EFHC1: variants seen among roughly 807,000 people sequenced by gnomAD.
EFHC1 encodes EF-hand domain containing 1, also known as EF-hand domain-containing protein 1.
EFHC1 carries 53 observed loss-of-function variants against 69.9 expected under a neutral mutation model. The ratio of observed to expected loss-of-function variants is 0.76; its 90% CI spans 0.61 to 0.95. The LOEUF (loss-of-function observed/expected upper bound fraction) is 0.95, where lower values mean the gene tolerates loss of function less well. Among genes scored for constraint, EFHC1 ranks in the 40% least tolerant of loss-of-function variants. EFHC1 has a pLI of 0.00. For synonymous variants in EFHC1, 256 were observed against 278.4 expected (o/e 0.92, Z 0.80); for missense variants, 739 against 798.7 (o/e 0.93, Z 0.90).
At chr6:52,480,210 TAAG>T (rs1053657245) in intron 9 of EFHC1, 3 of 282,276 alleles carry the variant, frequency 1.1e-5, no homozygotes, top group Admixed American at 4.9e-5. Flanking sequence ...AAGAAAATAA[TAAG>T]AAAGAGAAAA....
intron 3 of EFHC1, among the ~76,000 whole-genome samples, chr6:52,448,479 C>A (rs1213374579): frequency 6.6e-6 from 1 of 152,168 alleles, no homozygotes. Context: ...TCACAGCTTC[C>A]CTTTGCTAGG....
chr6:52,475,799 C>T (rs1257269665), intron 7 of EFHC1, among the ~76,000 whole-genome samples: 1 of 152,128 alleles, frequency 6.6e-6, no homozygotes, highest in African/African-American at 2.4e-5. Context: ...CAGTGGAGAA[C>T]AAGATAGACA....
intron 7 of EFHC1, among the ~76,000 whole-genome samples, chr6:52,470,652 C>A (rs1436592376): frequency 3.9e-5 from 6 of 152,194 alleles, no homozygotes. Flanking sequence ...AGCCTTCTGG[C>A]TTTCAACCCA....
rs1403658761 is a variant in EFHC1 at position 52,483,054 on chromosome 6, A to G, written c.1640+3267A>G. On this transcript the variant is annotated intron_variant, in intron 9 of 10. Transcript: ENST00000371068. The stretch of plus-strand genomic sequence containing the variant: ...TCTGCGTGAACTATAAAACAAATAT[A>G]CAGTGACTAGTCACCAACAGACTTT... 3 of 391,202 alleles carry G rather than the reference A, an allele frequency of 7.7e-6. No homozygotes were observed. In the East Asian group the frequency reaches 1.1e-4, roughly 14 times the overall value. The allele number at this position is 391,202 out of a possible 1,614,324, so 24.2% of individuals were successfully genotyped here.
intron 5 of EFHC1, among the ~76,000 whole-genome samples, chr6:52,455,338 T>C (rs1469938839): frequency 1.3e-5 from 2 of 151,918 alleles, no homozygotes; most frequent in Non-Finnish European, 2.9e-5. Context: ...ACTATATTTT[T>C]TGGGAATTAG....
At chr6:52,431,803 TC>T (rs1013767404) in intron 2 of EFHC1, among the ~76,000 whole-genome samples, 1 of 151,994 alleles carries the variant, frequency 6.6e-6, no homozygotes, top group Non-Finnish European at 1.5e-5. Flanking sequence ...AGTATTGAAG[TC>T]CCCCCCTATT....
rs554913675 is a variant in EFHC1, at chr6:52,436,666, G to A, written c.286-1638G>A. Among the ~76,000 whole-genome samples the A allele has an allele frequency of 5.1e-4, 78 of 151,892 alleles. 1 individual carries two copies. The South Asian group carries it at 6.7e-3, about 13-fold the overall frequency. ...TTTTATTTTTTATTTTTTTGAGATG[G>A]AGTTTCACTCTGTCACCCACGCTGG... On this transcript the variant is annotated intron_variant, in intron 2 of 10. Transcript: ENST00000371068.
Position 52,492,783 on chromosome 6 carries a change from T to G in EFHC1, c.*442T>G, listed in dbSNP as rs1419811346. On this transcript the variant is annotated 3_prime_UTR_variant, in exon 11 of 11. Coordinates refer to ENST00000371068, the MANE Select transcript of EFHC1 (RefSeq NM_018100.4). The stretch of plus-strand genomic sequence containing the variant: ...GCTCAAGCCACCATGCCCAGCTAAT[T>G]TTTAAAATTATTTTGTAGAGACAAG... 9.1e-6 allele frequency: 4 copies of G among 439,098 alleles called. No homozygotes were observed. The highest frequency in any genetic ancestry group is 1.8e-5 in the Non-Finnish European group (4 of 219,560). 27.2% of individuals were successfully genotyped at this position (439,098 alleles called of 1,614,324 possible).
chr6:52,430,678 T>A (rs985379533), intron 2 of EFHC1, among the ~76,000 whole-genome samples: 1 of 152,164 alleles, frequency 6.6e-6, no homozygotes, highest in South Asian at 2.1e-4. Context: ...TATTTTTTGG[T>A]TATGTCCTTT....
Position 52,425,457 on chromosome 6 carries a change from T to C in EFHC1, c.285+1290T>C, listed in dbSNP as rs192126143. On this transcript the variant is annotated intron_variant, in intron 2 of 10. Coordinates refer to ENST00000371068, the MANE Select transcript of EFHC1 (RefSeq NM_018100.4). ...GAAGGTGATAAAGTGATATATGTCG[T>C]AAGAAAGTATTAGTAAAATTCAGAG... Among the ~76,000 whole-genome samples, 22 of 152,324 alleles carry C rather than the reference T, an allele frequency of 1.4e-4. No homozygotes were observed. The East Asian group carries it at 4.2e-3, about 29-fold the overall frequency.
intron 3 of EFHC1, among the ~76,000 whole-genome samples, chr6:52,451,947 C>T (rs963162549): frequency 8.5e-5 from 13 of 152,142 alleles, no homozygotes; most frequent in Non-Finnish European, 1.3e-4. Context: ...TTCAGCCTAA[C>T]TTGGCCATTG....
chr6:52,474,347 G>A (rs944238812), intron 7 of EFHC1, among the ~76,000 whole-genome samples: 7 of 152,084 alleles, frequency 4.6e-5, no homozygotes, highest in Admixed American at 2.6e-4. Context: ...GCTTAGCTTC[G>A]TTAGTAACTA....
Position 52,494,212 on chromosome 6 carries a change from A to G in EFHC1, c.*1871A>G, listed in dbSNP as rs932740710. 6 of 454,060 alleles carry G rather than the reference A, an allele frequency of 1.3e-5. No individual in the cohort carries two copies. The highest frequency in any genetic ancestry group is 6.0e-5 in the African/African-American group (3 of 50,022). The allele number at this position is 454,060 out of a possible 1,614,324, so 28.1% of individuals were successfully genotyped here. On this transcript the variant is annotated 3_prime_UTR_variant, in exon 11 of 11. Coordinates refer to ENST00000371068, the MANE Select transcript of EFHC1 (RefSeq NM_018100.4). ...GATAAGCCCATTGTAAAGTAGGCAAATAAGTTGGACCATTGAAAGTTGGGG... is the reference window on the plus strand; with the variant it reads ...GATAAGCCCATTGTAAAGTAGGCAAGTAAGTTGGACCATTGAAAGTTGGGG...
At position 52,446,929 on chromosome 6, in the gene EFHC1, C is replaced by T. The variant is rs538648248; in HGVS notation, c.574-5759C>T. On this transcript the variant is annotated intron_variant, in intron 3 of 10. Coordinates refer to ENST00000371068, the MANE Select transcript of EFHC1 (RefSeq NM_018100.4). ...CTTGTAGAGTTTCTGCCGAGAGATCCGCTGTTGGTCTGAATGGCTTCACTT... is the reference window on the plus strand; with the variant it reads ...CTTGTAGAGTTTCTGCCGAGAGATCTGCTGTTGGTCTGAATGGCTTCACTT... Among the ~76,000 whole-genome samples the T allele has an allele frequency of 1.3e-4, 20 of 152,332 alleles. No individual in the cohort carries two copies. In the South Asian group the frequency reaches 2.1e-3, roughly 16 times the overall value.
intron 7 of EFHC1, among the ~76,000 whole-genome samples, chr6:52,477,326 A>G (rs1029536678): frequency 5.3e-5 from 8 of 152,214 alleles, no homozygotes; most frequent in Admixed American, 2.0e-4. Flanking sequence ...TTACTAAGAG[A>G]AAAATCTAAT....
intron 3 of EFHC1, among the ~76,000 whole-genome samples, chr6:52,446,364 C>T (rs1188984688): frequency 1.3e-5 from 2 of 152,168 alleles, no homozygotes; most frequent in South Asian, 2.1e-4. Flanking sequence ...TCTGTTTTAT[C>T]AGAGACTAGG....
At chr6:52,421,005 C>G in intron 1 of EFHC1, 1 of 1,019,642 alleles carries the variant, frequency 9.8e-7, no homozygotes. Context: ...GGTAGTATCT[C>G]CCACTCCCAG....
chr6:52,461,884 A>G (rs1359094827), intron 5 of EFHC1, among the ~76,000 whole-genome samples: 1 of 152,204 alleles, frequency 6.6e-6, no homozygotes, highest in Admixed American at 6.5e-5. Context: ...TATTTTATTT[A>G]CTAGGAAAAT....
At chr6:52,453,212 A>C (rs939045366) in intron 4 of EFHC1, 3 of 1,297,654 alleles carry the variant, frequency 2.3e-6, no homozygotes, top group African/African-American at 3.0e-5. Context: ...ATTATTAGGA[A>C]ATTTCACAAA....
Sources: gnomAD v4.1 joint callset for allele counts (sites outside exome capture counted in the v4.1 genomes callset) on GRCh38, gnomAD v4.1.1 for gene constraint, MANE v1.5 for transcripts, NCBI Gene and HGNC (gene_info 2026-07-23, HGNC 2026-07-21) for gene names.